The following CTNNA3 variants were observed in gnomAD, a reference collection of about 807,000 sequenced individuals.
The protein encoded by CTNNA3 is catenin alpha 3, also known as catenin alpha-3.
CTNNA3 carries 76 observed loss-of-function variants against 95.7 expected under a neutral mutation model. That is an observed-to-expected ratio of 0.79 (90% CI 0.66 to 0.96). CTNNA3 has a LOEUF of 0.96. Among genes scored for constraint, CTNNA3 ranks in the 40% least tolerant of loss-of-function variants. The probability of loss-of-function intolerance (pLI) is 0.00; values close to 1 mark genes in which losing one functional copy is unlikely to be tolerated. For synonymous variants in CTNNA3, 431 were observed against 374.4 expected (o/e 1.15, Z -1.74); for missense variants, 1,191 against 1,089.8 (o/e 1.09, Z -1.31).
Position 67,180,341 on chromosome 10 carries a change from A to T in CTNNA3, c.1023T>A (p.Asp341Glu). Residue 341 changes from aspartate to glutamate, a missense_variant, in exon 7 of 18, where the codon GAT (aspartate) becomes GAA (glutamate). Coordinates refer to ENST00000433211, the MANE Select transcript of CTNNA3 (RefSeq NM_013266.4). ...CGTTGTTCATGTACTCTGAAAGCAG[A>T]TCCTGAAGAGCCTGGCGAATGGCGT... ...ECNAIRQALQ[D>E]LLSEYMNNAG... 6.2e-7 allele frequency: 1 copy of T among 1,613,566 alleles called. No individual in the cohort carries two copies. Among genetic ancestry groups the T allele is most frequent in the South Asian group, 1.1e-5 (1 of 91,080 alleles).
chr10:66,169,517 C>T (rs966926761), intron 13 of CTNNA3, among the ~76,000 whole-genome samples: 175 of 152,172 alleles, frequency 1.2e-3, no homozygotes, highest in Non-Finnish European at 2.0e-3. Context: ...GTAATGGCTT[C>T]TTTTCCTCTG....
chr10:67,411,921 T>C (rs77995847), intron 5 of CTNNA3, among the ~76,000 whole-genome samples: 1 of 152,274 alleles, frequency 6.6e-6, no homozygotes, highest in African/African-American at 2.4e-5. Flanking sequence ...TGTCATTTAA[T>C]TCTTATTCTT....
At chr10:67,763,003 T>A (rs1312746569) in intron 1 of CTNNA3, among the ~76,000 whole-genome samples, 1 of 152,132 alleles carries the variant, frequency 6.6e-6, no homozygotes, top group East Asian at 1.9e-4. Context: ...AGACGTTAAG[T>A]CTTGCCGATG....
chr10:66,863,651 CA>C (rs1844046465), intron 7 of CTNNA3, among the ~76,000 whole-genome samples: 1 of 152,058 alleles, frequency 6.6e-6, no homozygotes, highest in African/African-American at 2.4e-5. Flanking sequence ...AGCTGATTTG[CA>C]GGGCTAATTT....
intron 4 of CTNNA3, among the ~76,000 whole-genome samples, chr10:67,530,132 A>G (rs748898744): frequency 6.6e-6 from 1 of 152,214 alleles, no homozygotes; most frequent in Non-Finnish European, 1.5e-5. Context: ...GCCCAGTCTC[A>G]GGTATGTCTT....
chr10:66,354,107 A>C (rs2092588738), intron 12 of CTNNA3, among the ~76,000 whole-genome samples: 1 of 151,884 alleles, frequency 6.6e-6, no homozygotes. Flanking sequence ...ACATGGCAAA[A>C]CCCCGTCTCT....
intron 13 of CTNNA3, among the ~76,000 whole-genome samples, chr10:66,140,671 T>C (rs1356960070): frequency 6.6e-6 from 1 of 152,232 alleles, no homozygotes; most frequent in East Asian, 1.9e-4. Flanking sequence ...TGTCCTATTC[T>C]GCAAATCCCA....
At chr10:66,914,243 G>C (rs1406786791) in intron 7 of CTNNA3, among the ~76,000 whole-genome samples, 1 of 149,664 alleles carries the variant, frequency 6.7e-6, no homozygotes, top group Non-Finnish European at 1.5e-5. Flanking sequence ...CCATTCTCCT[G>C]CCTCAGCCTC....
At chr10:67,291,911 C>A (rs1246901772) in intron 5 of CTNNA3, among the ~76,000 whole-genome samples, 2 of 152,152 alleles carry the variant, frequency 1.3e-5, no homozygotes, top group Non-Finnish European at 2.9e-5. Context: ...TACATGAGAG[C>A]CTTCAGAATG....
chr10:66,146,099 G>A (rs568535237), intron 13 of CTNNA3, among the ~76,000 whole-genome samples: 9 of 152,220 alleles, frequency 5.9e-5, no homozygotes, highest in African/African-American at 2.2e-4. Context: ...TGATCCACCT[G>A]CTTTGGCCTC....
chr10:66,960,033 G>A (rs1206663303), intron 7 of CTNNA3, among the ~76,000 whole-genome samples: 1 of 152,012 alleles, frequency 6.6e-6, no homozygotes, highest in Non-Finnish European at 1.5e-5. Flanking sequence ...TTCAAGCCAG[G>A]TATGTAAGTT....
intron 5 of CTNNA3, among the ~76,000 whole-genome samples, chr10:67,331,376 C>T (rs761366537): frequency 2.6e-5 from 4 of 152,170 alleles, no homozygotes; most frequent in Admixed American, 6.5e-5. Flanking sequence ...AGCAGGAAGT[C>T]ACAAGCATAA....
chr10:67,257,742 T>A (rs947176452), intron 5 of CTNNA3, among the ~76,000 whole-genome samples: 23 of 152,262 alleles, frequency 1.5e-4, no homozygotes, highest in South Asian at 1.0e-3. Context: ...AAAACCAAAT[T>A]TTTTCTTTAA....
chr10:67,353,734 G>T (rs1295032229), intron 5 of CTNNA3, among the ~76,000 whole-genome samples: 3 of 151,946 alleles, frequency 2.0e-5, no homozygotes, highest in African/African-American at 7.2e-5. Context: ...CAGCATCAAG[G>T]ACAGTGCACA....
chr10:67,276,341 T>C (rs1429053984), intron 5 of CTNNA3, among the ~76,000 whole-genome samples: 2 of 152,160 alleles, frequency 1.3e-5, no homozygotes, highest in African/African-American at 2.4e-5. Context: ...TCAGAAGTTG[T>C]TGCAGTAGGC....
At chr10:67,075,954 C>T (rs1377010449) in intron 7 of CTNNA3, among the ~76,000 whole-genome samples, 2 of 152,168 alleles carry the variant, frequency 1.3e-5, no homozygotes, top group Non-Finnish European at 2.9e-5. Flanking sequence ...CATGCAATTT[C>T]CTTTTTCTCC....
At chr10:66,892,445 C>A (rs529035064) in intron 7 of CTNNA3, among the ~76,000 whole-genome samples, 1 of 152,112 alleles carries the variant, frequency 6.6e-6, no homozygotes, top group East Asian at 1.9e-4. Context: ...TTTTGGAAAA[C>A]GTTCAAGGAT....
chr10:67,735,814 C>T (rs1038734065), intron 1 of CTNNA3, among the ~76,000 whole-genome samples: 5 of 151,860 alleles, frequency 3.3e-5, no homozygotes, highest in African/African-American at 1.2e-4. Context: ...AGGTATATAC[C>T]CAAGAGAATA....
chr10:67,719,573 G>A (rs1841165779), intron 1 of CTNNA3, among the ~76,000 whole-genome samples: 1 of 152,142 alleles, frequency 6.6e-6, no homozygotes, highest in South Asian at 2.1e-4. Flanking sequence ...TAGTCATTCA[G>A]GAGCAGGTTG....
Sources: gnomAD v4.1 joint callset for allele counts (sites outside exome capture counted in the v4.1 genomes callset) on GRCh38, gnomAD v4.1.1 for gene constraint, MANE v1.5 for transcripts, NCBI Gene and HGNC (gene_info 2026-07-23, HGNC 2026-07-21) for gene names.